The following RAB27B variants were observed in gnomAD, a reference collection of about 807,000 sequenced individuals.
RAB27B encodes the protein ras-related protein Rab-27B.
In RAB27B, 15 loss-of-function variants were observed where a neutral mutation model predicts 24.6. That is an observed-to-expected ratio of 0.61 (90% CI 0.41 to 0.94). RAB27B has a LOEUF of 0.94. Among genes scored for constraint, RAB27B ranks in the 40% least tolerant of loss-of-function variants. The pLI is 0.00. For synonymous variants in RAB27B, 105 were observed against 92.5 expected (o/e 1.14, Z -0.78); for missense variants, 261 against 266.8 (o/e 0.98, Z 0.15).
At chr18:54,746,472 A>G (rs994565549) in intron 2 of RAB27B, among the ~76,000 whole-genome samples, 1 of 152,202 alleles carries the variant, frequency 6.6e-6, no homozygotes, top group Non-Finnish European at 1.5e-5. Context: ...AAATATTGCA[A>G]GCATTTTTGA....
intron 2 of RAB27B, among the ~76,000 whole-genome samples, chr18:54,723,479 A>C (rs79770971): frequency 0.072 from 10,923 of 152,280 alleles, 480 homozygotes; most frequent in Admixed American, 0.1. Context: ...AACATCAGAA[A>C]TGTGGAAGGA....
chr18:54,854,033 C>A (rs1213545712), intron 1 of RAB27B, among the ~76,000 whole-genome samples: 2 of 152,066 alleles, frequency 1.3e-5, no homozygotes, highest in African/African-American at 4.8e-5. Flanking sequence ...CAACACATAA[C>A]TTTAGTTTTA....
chr18:54,770,809 C>T (rs907353050), intron 2 of RAB27B, among the ~76,000 whole-genome samples: 5 of 152,004 alleles, frequency 3.3e-5, no homozygotes, highest in African/African-American at 1.2e-4. Context: ...TAAGGCATAT[C>T]CCTTTCTGTT....
chr18:54,721,388 CTTG>C (rs1336161224), intron 2 of RAB27B, among the ~76,000 whole-genome samples: 1 of 152,128 alleles, frequency 6.6e-6, no homozygotes, highest in African/African-American at 2.4e-5. Context: ...GCTAAGGAAA[CTTG>C]TTGATAAATA....
At chr18:54,763,585 C>G (rs943413960) in intron 2 of RAB27B, among the ~76,000 whole-genome samples, 26 of 152,090 alleles carry the variant, frequency 1.7e-4, no homozygotes, top group Admixed American at 1.7e-3. Flanking sequence ...GGAGAGAAGC[C>G]TGGAAATACA....
intron 2 of RAB27B, among the ~76,000 whole-genome samples, chr18:54,787,354 G>A (rs1909119520): frequency 6.6e-6 from 1 of 152,182 alleles, no homozygotes; most frequent in Non-Finnish European, 1.5e-5. Context: ...TGGTCTAAAA[G>A]TGAGCAAAGA....
intron 1 of RAB27B, among the ~76,000 whole-genome samples, chr18:54,858,581 G>A (rs148590236): frequency 1.4e-3 from 218 of 152,014 alleles, no homozygotes; most frequent in African/African-American, 4.8e-3. Flanking sequence ...TTTTAGTAGA[G>A]ACGGGTTTCA....
At chr18:54,757,928 C>T (rs1240116617) in intron 2 of RAB27B, among the ~76,000 whole-genome samples, 1 of 151,960 alleles carries the variant, frequency 6.6e-6, no homozygotes, top group Admixed American at 6.6e-5. Context: ...ATCACAAAAT[C>T]TAGAAATATT....
chr18:54,837,489 G>A (rs976578657), intron 1 of RAB27B, among the ~76,000 whole-genome samples: 2 of 152,086 alleles, frequency 1.3e-5, no homozygotes, highest in African/African-American at 4.8e-5. Context: ...TGAGGTACCT[G>A]TGGTTATTCA....
At chr18:54,743,522 G>A (rs1910135580) in intron 2 of RAB27B, among the ~76,000 whole-genome samples, 1 of 152,182 alleles carries the variant, frequency 6.6e-6, no homozygotes, top group South Asian at 2.1e-4. Context: ...TGGAACTTAG[G>A]CAGAGTCCTG....
At chr18:54,785,353 C>T (rs1019984187) in intron 2 of RAB27B, among the ~76,000 whole-genome samples, 2 of 151,146 alleles carry the variant, frequency 1.3e-5, no homozygotes, top group African/African-American at 4.9e-5. Flanking sequence ...CTGCCTGTCT[C>T]GGCCTCCCAA....
chr18:54,782,853 T>G (rs989315797), intron 2 of RAB27B, among the ~76,000 whole-genome samples: 4 of 152,116 alleles, frequency 2.6e-5, no homozygotes, highest in African/African-American at 9.7e-5. Flanking sequence ...GATGTAAACA[T>G]AAAGTATCAG....
At chr18:54,821,764 T>G (rs1386741790) in intron 2 of RAB27B, among the ~76,000 whole-genome samples, 1 of 152,228 alleles carries the variant, frequency 6.6e-6, no homozygotes, top group African/African-American at 2.4e-5. Flanking sequence ...GTTATTTTTA[T>G]TTTTTTGAGA....
chr18:54,787,520 GAGA>G (rs1360046879), intron 2 of RAB27B, among the ~76,000 whole-genome samples: 7 of 152,156 alleles, frequency 4.6e-5, no homozygotes, highest in Admixed American at 2.0e-4. Flanking sequence ...CCTGTTCAGA[GAGA>G]AGGCCTTATA....
intron 2 of RAB27B, among the ~76,000 whole-genome samples, chr18:54,779,949 C>A (rs1469462061): frequency 1.3e-5 from 2 of 151,194 alleles, no homozygotes; most frequent in Middle Eastern, 3.4e-3. Context: ...CATGTCCCCC[C>A]TCTCCTGACG....
chr18:54,804,779 A>G (rs778087507), intron 2 of RAB27B, among the ~76,000 whole-genome samples: 1 of 151,960 alleles, frequency 6.6e-6, no homozygotes, highest in Non-Finnish European at 1.5e-5. Flanking sequence ...TCTCTGGGTG[A>G]GGTATATGAG....
At chr18:54,837,840 T>C (rs149954593) in intron 1 of RAB27B, among the ~76,000 whole-genome samples, 1 of 152,234 alleles carries the variant, frequency 6.6e-6, no homozygotes, top group East Asian at 1.9e-4. Flanking sequence ...TTGAAGGACA[T>C]AATAAATATG....
At chr18:54,865,343 G>A (rs1465835660) in intron 1 of RAB27B, among the ~76,000 whole-genome samples, 1 of 151,004 alleles carries the variant, frequency 6.6e-6, no homozygotes, top group African/African-American at 2.4e-5. Flanking sequence ...TGGAAACTAT[G>A]TTAGTTGGTA....
chr18:54,770,657 C>G (rs971504234), intron 2 of RAB27B, among the ~76,000 whole-genome samples: 3 of 152,092 alleles, frequency 2.0e-5, no homozygotes, highest in African/African-American at 7.2e-5. Context: ...TTCCACAAAA[C>G]CAGTCCATGG....
Sources: allele counts gnomAD v4.1 joint callset (sites outside exome capture counted in the v4.1 genomes callset), GRCh38; gene constraint gnomAD v4.1.1; transcripts MANE v1.5; gene names NCBI Gene and HGNC (gene_info 2026-07-23, HGNC 2026-07-21).